CAMSAP1: variants seen among roughly 807,000 people sequenced by gnomAD.
The protein encoded by CAMSAP1 is calmodulin regulated spectrin associated protein 1.
CAMSAP1 carries 58 observed loss-of-function variants against 143.5 expected under a neutral mutation model. The ratio of observed to expected loss-of-function variants is 0.40; its 90% CI spans 0.33 to 0.50. CAMSAP1 has a LOEUF of 0.50. Ranked by LOEUF, CAMSAP1 falls within the 20% of genes least tolerant of loss-of-function variation. The pLI is 0.45. For synonymous variants in CAMSAP1, 945 were observed against 859.3 expected (o/e 1.10, Z -1.74); for missense variants, 1,969 against 2,115.7 (o/e 0.93, Z 1.36).
chr9:135,896,194 G>A (rs1486978719), intron 1 of CAMSAP1, among the ~76,000 whole-genome samples: 1 of 151,952 alleles, frequency 6.6e-6, no homozygotes, highest in African/African-American at 2.4e-5. Flanking sequence ...ACTTAAGTAG[G>A]TTAAAAACTA....
chr9:135,876,471 G>A (rs1477542404), intron 3 of CAMSAP1, among the ~76,000 whole-genome samples: 1 of 151,926 alleles, frequency 6.6e-6, no homozygotes, highest in Non-Finnish European at 1.5e-5. Context: ...TACCCATTAG[G>A]AAAACATTAA....
intron 7 of CAMSAP1, among the ~76,000 whole-genome samples, chr9:135,847,999 T>TAGATC (rs1836639560): frequency 1.6e-5 from 1 of 63,632 alleles, no homozygotes. Flanking sequence ...GACAGGGCAG[T>TAGATC]GGAGAGGGTG....
At position 135,822,769 on chromosome 9, in the gene CAMSAP1, C is replaced by A. The variant is rs771417080; in HGVS notation, c.1892G>T (p.Gly631Val). Residue 631 changes from glycine to valine, a missense_variant, in exon 11 of 17, where the codon GGC becomes GTC. Coordinates refer to ENST00000389532, the MANE Select transcript of CAMSAP1 (RefSeq NM_015447.4). The surrounding 1 kb of genome is among the most constrained non-coding windows in gnomAD (Gnocchi z 6.1). Reference protein sequence around the residue: ...RSIVSRRPSEGPQPLVRRKMT... With the variant: ...RSIVSRRPSEVPQPLVRRKMT... Reference sequence around the variant, plus strand: ...TTTCCTTCGTACCAAAGGCTGGGGGCCCTCGCTGGGCCTCCTAGACACGAT... The same window carrying A: ...TTTCCTTCGTACCAAAGGCTGGGGGACCTCGCTGGGCCTCCTAGACACGAT... 16 of 1,613,630 alleles carry A rather than the reference C, an allele frequency of 9.9e-6. No individual in the cohort carries two copies. Among genetic ancestry groups the A allele is most frequent in the Non-Finnish European group, 1.4e-5 (16 of 1,179,810 alleles).
At position 135,842,248 on chromosome 9, in the gene CAMSAP1, C is replaced by G. The variant is rs866369957; in HGVS notation, c.1045+7889G>C. On this transcript the variant is annotated intron_variant, in intron 7 of 16. Coordinates refer to ENST00000389532, the MANE Select transcript of CAMSAP1 (RefSeq NM_015447.4). ...ATCGATCAAGTGGAAGAAAGGATAT[C>G]AGAGATTGAAGATCAACTTAATGAA... Among the ~76,000 whole-genome samples the G allele has an allele frequency of 2.0e-5, 3 of 152,000 alleles. No homozygotes were observed. In the South Asian group the frequency reaches 6.2e-4, roughly 32 times the overall value.
At chr9:135,846,358 C>T (rs1489813829) in intron 7 of CAMSAP1, among the ~76,000 whole-genome samples, 6 of 152,072 alleles carry the variant, frequency 3.9e-5, no homozygotes, top group African/African-American at 1.2e-4. Flanking sequence ...CTTCCTTACA[C>T]CTTATACAAA....
intron 5 of CAMSAP1, 106 bp from the exon 6 acceptor site, chr9:135,850,567 G>A: frequency 5.7e-6 from 5 of 878,410 alleles, no homozygotes; most frequent in Admixed American, 3.2e-5. Flanking sequence ...TAGTAATGAA[G>A]ATAATGACAT....
At chr9:135,862,974 G>C (rs191238666) in intron 4 of CAMSAP1, among the ~76,000 whole-genome samples, 1 of 152,246 alleles carries the variant, frequency 6.6e-6, no homozygotes, top group Admixed American at 6.5e-5. Flanking sequence ...AGACACTAAC[G>C]AGAAACAAGT....
intron 7 of CAMSAP1, among the ~76,000 whole-genome samples, chr9:135,842,225 C>T (rs562282683): frequency 4.1e-4 from 63 of 152,070 alleles, no homozygotes; most frequent in African/African-American, 1.5e-3. Context: ...GTAGCTGAAT[C>T]GATCAAGTGG....
rs748522764 is a variant in CAMSAP1, at chr9:135,822,351, C to T, written c.2310G>A (p.Ser770=). ...CCTTCATGTCCTCCTGCAGTTTGGCCGACTCTTCCTCCCCAATGTATCTGC... is the reference window on the plus strand; with the variant it reads ...CCTTCATGTCCTCCTGCAGTTTGGCTGACTCTTCCTCCCCAATGTATCTGC... The part of the protein sequence containing the change: ...VFSRYIGEEE[S]AKLQEDMKVK... Residue 770 remains serine (S), a synonymous_variant, in exon 11 of 17, where the codon TCG becomes TCA. Transcript: ENST00000389532. This position sits in a 1 kb window ranked among gnomAD's most constrained non-coding sequence, Gnocchi z 6.1. 1.4e-5 allele frequency: 22 copies of T among 1,613,962 alleles called. No homozygotes were observed. Among genetic ancestry groups the T allele is most frequent in the South Asian group, 6.6e-5 (6 of 91,082 alleles).
intron 1 of CAMSAP1, among the ~76,000 whole-genome samples, chr9:135,885,005 G>A (rs1045132321): frequency 7.2e-5 from 11 of 152,160 alleles, no homozygotes; most frequent in Admixed American, 3.9e-4. Flanking sequence ...GGAAAGATGC[G>A]ACAGTCACTC....
intron 7 of CAMSAP1, among the ~76,000 whole-genome samples, chr9:135,830,335 A>C (rs1835817498): frequency 6.6e-6 from 1 of 152,262 alleles, no homozygotes; most frequent in South Asian, 2.1e-4. Flanking sequence ...TTTTGAGTGA[A>C]GAACACACAG....
At position 135,821,663 on chromosome 9, in the gene CAMSAP1, T is replaced by C; in HGVS notation, c.2998A>G (p.Lys1000Glu). 2 of 1,614,022 alleles carry C rather than the reference T, an allele frequency of 1.2e-6. No homozygotes were observed. The highest frequency in any genetic ancestry group is 1.7e-6 in the Non-Finnish European group (2 of 1,179,892). The part of the protein sequence containing the change: ...PVALHELERN[K>E]VISAALLEDT... ...TCCAGGAGGGCAGCGGAGATCACCT[T>C]ATTTCTCTCCAGCTCGTGCAGAGCC... The change falls in exon 11 of 17, where the codon AAG becomes GAG. Residue 1000 changes from lysine (K) to glutamate (E), a missense_variant. By Grantham distance (56) the Lys-to-Glu change is moderately conservative. This residue lies in a region of CAMSAP1 where 1,390 missense variants were observed against 1,420.8 expected (regional missense o/e 0.98). Coordinates refer to ENST00000389532, the MANE Select transcript of CAMSAP1 (RefSeq NM_015447.4). This position sits in a 1 kb window ranked among gnomAD's most constrained non-coding sequence, Gnocchi z 4.6.
At chr9:135,862,748 G>A (rs1282545520) in intron 4 of CAMSAP1, 140 bp from the exon 5 acceptor site, 2 of 900,472 alleles carry the variant, frequency 2.2e-6, no homozygotes, top group Non-Finnish European at 3.4e-6. Context: ...TCTAGAAAGA[G>A]TTAGAAACGT....
chr9:135,847,955 AGGG>A (rs1836635445), intron 7 of CAMSAP1, among the ~76,000 whole-genome samples: 1 of 15,468 alleles, frequency 6.5e-5, no homozygotes, highest in Non-Finnish European at 1.3e-4. Context: ...GTGGGGGGGG[AGGG>A]GGAGGAGTGA....
At chr9:135,903,110 T>C (rs927210480) in intron 1 of CAMSAP1, among the ~76,000 whole-genome samples, 3 of 152,194 alleles carry the variant, frequency 2.0e-5, no homozygotes, top group Non-Finnish European at 4.4e-5. Context: ...CCTAAGGGCA[T>C]GTACAAAACG....
At position 135,820,302 on chromosome 9, in the gene CAMSAP1, G is replaced by A. The variant is rs1052616395; in HGVS notation, c.3822+537C>T. 2.6e-5 allele frequency among the ~76,000 whole-genome samples: 4 copies of A among 152,162 alleles called. No individual in the cohort carries two copies. Among genetic ancestry groups the A allele is most frequent in the Non-Finnish European group, 2.9e-5 (2 of 68,028 alleles). ...CTTATCATCTTAGGAGACAACGAAC[G>A]TCACAGCAAACATCATGTGACGCAC... is the stretch of plus-strand genomic sequence containing the variant. On this transcript the variant is annotated intron_variant, in intron 11 of 16. Coordinates refer to ENST00000389532, the MANE Select transcript of CAMSAP1 (RefSeq NM_015447.4). This position sits in a 1 kb window ranked among gnomAD's most constrained non-coding sequence, Gnocchi z 4.4.
chr9:135,843,005 T>C (rs1449153394), intron 7 of CAMSAP1, among the ~76,000 whole-genome samples: 2 of 152,170 alleles, frequency 1.3e-5, no homozygotes, highest in Non-Finnish European at 2.9e-5. Context: ...TAACCTTAAA[T>C]GTAAATGGGC....
At chr9:135,885,105 G>A (rs754832352) in intron 1 of CAMSAP1, among the ~76,000 whole-genome samples, 14 of 152,248 alleles carry the variant, frequency 9.2e-5, no homozygotes, top group Non-Finnish European at 1.8e-4. Flanking sequence ...CGGGGTACCT[G>A]GCCTCTTCCT....
At chr9:135,812,955 C>CAAA (rs753419702) in intron 16 of CAMSAP1, among the ~76,000 whole-genome samples, 1 of 121,940 alleles carries the variant, frequency 8.2e-6, no homozygotes, top group Non-Finnish European at 1.8e-5. Context: ...GACTCCATCT[C>CAAA]AAAAAAAAAA....
Sources: allele counts gnomAD v4.1 joint callset (sites outside exome capture counted in the v4.1 genomes callset), GRCh38; gene constraint gnomAD v4.1.1; regional missense constraint gnomAD v4.1.1; non-coding constraint Gnocchi (gnomAD v3.1); transcripts MANE v1.5; gene names NCBI Gene and HGNC (gene_info 2026-07-23, HGNC 2026-07-21).